CELF2: variants seen among roughly 807,000 people sequenced by gnomAD.
CELF2 encodes the protein CUG triplet repeat RNA-binding protein 2.
In CELF2, 8 loss-of-function variants were observed where a neutral mutation model predicts 62.6. The ratio of observed to expected loss-of-function variants is 0.13; its 90% CI spans 0.07 to 0.23. The LOEUF is 0.23. CELF2 is among the 10% of genes least tolerant of loss of function. CELF2 has a pLI of 1.00. For missense variants in CELF2, 333 were observed against 671.0 expected (o/e 0.50, Z 5.56); for synonymous variants, 258 against 250.0 (o/e 1.03, Z -0.30).
intron 9 of CELF2, among the ~76,000 whole-genome samples, chr10:11,301,756 A>G (rs967466629): frequency 1.3e-5 from 2 of 151,428 alleles, no homozygotes; most frequent in African/African-American, 4.9e-5. Context: ...TCTGTTTCTG[A>G]AGCTCTTCCT....
intron 1 of CELF2, among the ~76,000 whole-genome samples, chr10:11,051,877 T>G (rs922595963): frequency 1.4e-4 from 21 of 151,972 alleles, no homozygotes; most frequent in Admixed American, 5.3e-4. Flanking sequence ...TTTTGTTTTT[T>G]TGTGTGTGTA....
At chr10:11,213,088 G>A (rs2062341164) in intron 2 of CELF2, among the ~76,000 whole-genome samples, 1 of 148,518 alleles carries the variant, frequency 6.7e-6, no homozygotes, top group Non-Finnish European at 1.5e-5. Context: ...CCCCCTGGCC[G>A]GTCACCTCTA....
intron 1 of CELF2, among the ~76,000 whole-genome samples, chr10:11,091,334 G>A (rs1412111780): frequency 6.6e-6 from 1 of 152,180 alleles, no homozygotes; most frequent in Non-Finnish European, 1.5e-5. Flanking sequence ...CTGGGGAACC[G>A]TTCAGCAAAG....
intron 2 of CELF2, among the ~76,000 whole-genome samples, chr10:11,184,522 A>G (rs925611040): frequency 6.6e-6 from 1 of 152,226 alleles, no homozygotes; most frequent in Non-Finnish European, 1.5e-5. Flanking sequence ...TGAGTCTTCA[A>G]AACCATGAAG....
the CELF2 span, among the ~76,000 whole-genome samples, chr10:10,635,751 G>A: frequency 6.6e-6 from 1 of 152,150 alleles, no homozygotes; most frequent in Non-Finnish European, 1.5e-5. Context: ...TGAGGGAAGT[G>A]ATCCTCCATG....
the CELF2 span, among the ~76,000 whole-genome samples, chr10:10,776,052 G>A: frequency 1.3e-5 from 2 of 152,196 alleles, no homozygotes; most frequent in East Asian, 3.9e-4. Flanking sequence ...ATCATTAATA[G>A]AAACCTCCAC....
Position 11,165,790 on chromosome 10 carries a change from CTGGAAG to C in CELF2, c.271+109_271+114del. The C allele has an allele frequency of 1.2e-5, 13 of 1,065,978 alleles. No homozygotes were observed. The highest frequency in any genetic ancestry group is 1.7e-5 in the Non-Finnish European group (13 of 758,658). 66.0% of individuals were successfully genotyped at this position (1,065,978 alleles called of 1,614,324 possible). A position where few individuals can be genotyped will look rare whatever the true frequency, so the allele number is the denominator to read the frequency against. ...GAGGAAGGGCGGGTAGGCAGGAGGGCTGGAAGCAGCCGGTGCTGGCGGCCCCTGTGC... is the reference window on the plus strand; with the variant it reads ...GAGGAAGGGCGGGTAGGCAGGAGGGCCAGCCGGTGCTGGCGGCCCCTGTGC... On this transcript the variant is annotated intron_variant, in intron 2 of 12. Coordinates refer to ENST00000633077, the MANE Select transcript of CELF2 (RefSeq NM_001326342.2). This position sits in a 1 kb window ranked among gnomAD's most constrained non-coding sequence, Gnocchi z 7.4.
At position 10,989,681 on chromosome 10, in the gene CELF2, A is replaced by C. The variant is rs74404710; in HGVS notation, c.89+69682A>C. On this transcript the variant is annotated intron_variant, in intron 2 of 13. Transcript: ENST00000636488. ...TTATTGAAATCTTTGGCTATATGAA[A>C]GTTTGTAAATTCAGACCAAAACATT... Among the ~76,000 whole-genome samples the C allele has an allele frequency of 2.6e-3, 392 of 152,244 alleles. 2 individuals carry two copies. Among genetic ancestry groups the C allele is most frequent in the African/African-American group, 9.0e-3 (373 of 41,576 alleles).
intron 2 of CELF2, among the ~76,000 whole-genome samples, chr10:11,187,929 C>T (rs184823135): frequency 5.9e-4 from 90 of 152,260 alleles, no homozygotes; most frequent in African/African-American, 1.9e-3. Context: ...TTAATACTTC[C>T]GTGCTCCGTT....
intron 3 of CELF2, among the ~76,000 whole-genome samples, chr10:11,239,540 A>G (rs181513244): frequency 1.8e-3 from 277 of 152,356 alleles, no homozygotes; most frequent in Middle Eastern, 6.8e-3. Context: ...TGACAACTGT[A>G]GCGGGCACTT....
At chr10:10,545,708 CAA>C in the CELF2 span, among the ~76,000 whole-genome samples, 4 of 152,068 alleles carry the variant, frequency 2.6e-5, no homozygotes, top group African/African-American at 9.7e-5. Flanking sequence ...CACACACACA[CAA>C]ATCTTTTTAT....
At chr10:10,804,258 TAGCCTGAGAGC>T (rs2054970152) in intron 1 of CELF2, among the ~76,000 whole-genome samples, 1 of 152,216 alleles carries the variant, frequency 6.6e-6, no homozygotes, top group Admixed American at 6.5e-5. Flanking sequence ...TTTGCTATGT[TAGCCTGAGAGC>T]AGCCATAGAT....
At chr10:10,999,091 G>T (rs1033287912) in intron 2 of CELF2, among the ~76,000 whole-genome samples, 19 of 152,090 alleles carry the variant, frequency 1.2e-4, no homozygotes, top group African/African-American at 4.3e-4. Context: ...TTAAAGTTAG[G>T]AACAGGCCCT....
the CELF2 span, among the ~76,000 whole-genome samples, chr10:10,660,315 G>T: frequency 3.3e-5 from 5 of 152,172 alleles, no homozygotes; most frequent in African/African-American, 1.2e-4. Context: ...TAAAGTGGAG[G>T]CTCAAAAAGG....
chr10:10,741,398 C>G, the CELF2 span, among the ~76,000 whole-genome samples: 1 of 147,022 alleles, frequency 6.8e-6, no homozygotes, highest in Non-Finnish European at 1.5e-5. Context: ...GTAGTCCCAG[C>G]TACTCAGGAG....
chr10:11,310,816 G>A (rs1045004453), intron 9 of CELF2, among the ~76,000 whole-genome samples: 89 of 149,090 alleles, frequency 6.0e-4, no homozygotes, highest in African/African-American at 2.0e-3. Flanking sequence ...CCCTCCCACC[G>A]GGAAAAACCC....
chr10:11,188,754 G>A (rs1445218426), intron 2 of CELF2, among the ~76,000 whole-genome samples: 2 of 152,124 alleles, frequency 1.3e-5, no homozygotes, highest in Admixed American at 1.3e-4. Context: ...AACTCTCCTT[G>A]TAGACTCAGA....
At chr10:10,971,029 A>T (rs1399545499) in intron 2 of CELF2, among the ~76,000 whole-genome samples, 1 of 152,190 alleles carries the variant, frequency 6.6e-6, no homozygotes, top group Non-Finnish European at 1.5e-5. Context: ...AAGTGCTAGA[A>T]TTCCGATCCT....
Position 11,202,434 on chromosome 10 carries a change from G to A in CELF2, c.272-14991G>A, listed in dbSNP as rs560333353. On this transcript the variant is annotated intron_variant, in intron 2 of 12. Coordinates refer to ENST00000633077, the MANE Select transcript of CELF2 (RefSeq NM_001326342.2). Reference sequence around the variant, plus strand: ...CGGAAGCTGCAGTGAGATGGACACAGTATGTGGAGTATCTGTGGGGTGAGC... The same window carrying A: ...CGGAAGCTGCAGTGAGATGGACACAATATGTGGAGTATCTGTGGGGTGAGC... Among the ~76,000 whole-genome samples, 5 of 152,354 alleles carry A rather than the reference G, an allele frequency of 3.3e-5. No homozygotes were observed. In the East Asian group the frequency reaches 5.8e-4, roughly 18 times the overall value.
Sources: gnomAD v4.1 joint callset for allele counts (sites outside exome capture counted in the v4.1 genomes callset) on GRCh38, gnomAD v4.1.1 for gene constraint, Gnocchi (gnomAD v3.1) non-coding constraint, MANE v1.5 for transcripts, NCBI Gene and HGNC (gene_info 2026-07-23, HGNC 2026-07-21) for gene names.